SLC23A2: variants seen among roughly 807,000 people sequenced by gnomAD.
The protein encoded by SLC23A2 is Na(+)/L-ascorbic acid transporter 2.
A neutral mutation model predicts 73.3 loss-of-function variants in SLC23A2; 36 were observed. The ratio of observed to expected loss-of-function variants is 0.49; its 90% CI spans 0.38 to 0.65. SLC23A2 has a LOEUF of 0.65. Among genes scored for constraint, SLC23A2 ranks in the 30% least tolerant of loss-of-function variants. The pLI is 0.00. For synonymous variants in SLC23A2, 343 were observed against 327.3 expected (o/e 1.05, Z -0.52); for missense variants, 507 against 841.6 (o/e 0.60, Z 4.92).
chr20:4,900,721 T>C (rs1007509989), intron 5 of SLC23A2, among the ~76,000 whole-genome samples: 1 of 152,152 alleles, frequency 6.6e-6, no homozygotes. Flanking sequence ...AAGAACCCCA[T>C]CCCACTTTCC....
intron 2 of SLC23A2, among the ~76,000 whole-genome samples, chr20:4,943,556 TC>T: frequency 6.6e-6 from 1 of 150,872 alleles, no homozygotes; most frequent in East Asian, 1.9e-4. Context: ...CCGCCTGTAG[TC>T]CCAGTTATTT....
rs140374915 is a variant in SLC23A2, at chr20:4,987,316, T to C, written c.-282+14090A>G. On this transcript the variant is annotated intron_variant, in intron 1 of 16. Coordinates refer to ENST00000338244, the MANE Select transcript of SLC23A2 (RefSeq NM_005116.6). Reference sequence around the variant, plus strand: ...TTTCAAACACTGCAGGTCAGGATCTTTGACACAGAAGATGCGAGCAGCTGC... The same window carrying C: ...TTTCAAACACTGCAGGTCAGGATCTCTGACACAGAAGATGCGAGCAGCTGC... 0.012 allele frequency among the ~76,000 whole-genome samples: 1,875 copies of C among 152,296 alleles called. 54 individuals carry two copies. In the South Asian group the frequency reaches 0.14, roughly 11 times the overall value.
intron 9 of SLC23A2, among the ~76,000 whole-genome samples, chr20:4,882,267 C>T (rs144932624): frequency 0.037 from 5,654 of 151,950 alleles, 355 homozygotes; most frequent in African/African-American, 0.13. Flanking sequence ...CCCAGCTACT[C>T]GGGAGGCTGA....
intron 1 of SLC23A2, among the ~76,000 whole-genome samples, chr20:4,983,646 TAAAAAAAA>T (rs35983102): frequency 2.3e-5 from 2 of 86,192 alleles, no homozygotes; most frequent in Non-Finnish European, 4.7e-5. Flanking sequence ...ACTCCGTCTT[TAAAAAAAA>T]AAAAAAAAAA....
At position 4,919,560 on chromosome 20, in the gene SLC23A2, G is replaced by C. The variant is rs532129171; in HGVS notation, c.109-6582C>G. 8.5e-5 allele frequency among the ~76,000 whole-genome samples: 13 copies of C among 152,310 alleles called. No individual in the cohort carries two copies. In the South Asian group the frequency reaches 2.7e-3, roughly 32 times the overall value. On this transcript the variant is annotated intron_variant, in intron 3 of 16. Coordinates refer to ENST00000338244, the MANE Select transcript of SLC23A2 (RefSeq NM_005116.6). ...TCCACACTGAAACACTCTGCAGTGT[G>C]TGCTCCTCCCACACCCCAGGCAGGT...
intron 2 of SLC23A2, among the ~76,000 whole-genome samples, chr20:4,964,907 AAAAG>A (rs1168059383): frequency 1.3e-5 from 2 of 152,050 alleles, no homozygotes; most frequent in African/African-American, 4.8e-5. Context: ...AAGAAAAAAA[AAAAG>A]AAAGGAAAAT....
chr20:4,990,049 G>C (rs1391301617), intron 1 of SLC23A2, among the ~76,000 whole-genome samples: 1 of 151,988 alleles, frequency 6.6e-6, no homozygotes, highest in Non-Finnish European at 1.5e-5. Context: ...AAAATTACAC[G>C]GCAAACTTAA....
chr20:4,999,688 C>T (rs1425414202), intron 1 of SLC23A2, among the ~76,000 whole-genome samples: 1 of 152,028 alleles, frequency 6.6e-6, no homozygotes, highest in East Asian at 1.9e-4. Context: ...CCACAACACC[C>T]GGCCCAGGTA....
intron 13 of SLC23A2, among the ~76,000 whole-genome samples, chr20:4,866,316 T>A (rs888335519): frequency 2.0e-5 from 3 of 152,206 alleles, no homozygotes; most frequent in Admixed American, 6.5e-5. Context: ...TATTTTTGAA[T>A]TGAAGTTGGT....
chr20:4,979,558 A>C (rs1282302376), intron 1 of SLC23A2, among the ~76,000 whole-genome samples: 1 of 152,116 alleles, frequency 6.6e-6, no homozygotes, highest in Non-Finnish European at 1.5e-5. Context: ...AAATGTCTAA[A>C]TATATGAAAA....
rs779643129 is a variant in SLC23A2, at chr20:4,853,307, G to C, written c.*3665C>G. 2 of 152,650 alleles carry C rather than the reference G, an allele frequency of 1.3e-5. No individual in the cohort carries two copies. The highest frequency in any genetic ancestry group is 2.9e-5 in the Non-Finnish European group (2 of 68,108). The allele number at this position is 152,650 out of a possible 1,614,324, so 9.5% of individuals were successfully genotyped here. A position where few individuals can be genotyped will look rare whatever the true frequency, so the allele number is the denominator to read the frequency against. ...ATGCTGCTGCTTCTCTGGCCAGATGGGTTCTGGAATGAGGCTTCTGCTACT... is the reference window on the plus strand; with the variant it reads ...ATGCTGCTGCTTCTCTGGCCAGATGCGTTCTGGAATGAGGCTTCTGCTACT... On this transcript the variant is annotated 3_prime_UTR_variant, in exon 17 of 17. Transcript: ENST00000338244.
intron 5 of SLC23A2, among the ~76,000 whole-genome samples, chr20:4,901,327 C>A (rs1189937977): frequency 6.6e-6 from 1 of 152,088 alleles, no homozygotes; most frequent in Non-Finnish European, 1.5e-5. Flanking sequence ...CCTCTCTGGA[C>A]AATGAGATGG....
At chr20:4,965,135 C>A (rs1034672535) in intron 2 of SLC23A2, among the ~76,000 whole-genome samples, 1 of 151,944 alleles carries the variant, frequency 6.6e-6, no homozygotes, top group Non-Finnish European at 1.5e-5. Context: ...GAAAAAACAC[C>A]CTATTGATAT....
intron 3 of SLC23A2, among the ~76,000 whole-genome samples, chr20:4,914,119 A>G (rs927072836): frequency 2.0e-5 from 3 of 151,626 alleles, no homozygotes; most frequent in African/African-American, 7.3e-5. Flanking sequence ...ATTGTGAAAT[A>G]CACTAAAAGC....
At position 4,862,140 on chromosome 20, in the gene SLC23A2, T is replaced by C; in HGVS notation, c.1487-55A>G. 1 of 1,591,252 alleles carries C rather than the reference T, an allele frequency of 6.3e-7. No individual in the cohort carries two copies. Among genetic ancestry groups the C allele is most frequent in the Non-Finnish European group, 8.6e-7 (1 of 1,164,784 alleles). On this transcript the variant is annotated intron_variant, in intron 14 of 16. Coordinates refer to ENST00000338244, the MANE Select transcript of SLC23A2 (RefSeq NM_005116.6). The surrounding 1 kb of genome is among the most constrained non-coding windows in gnomAD (Gnocchi z 5.1). ...CCAGCACCACTACAGCGGGGACAGC[T>C]CAAGGCAGGTGAGGGCAGGCTCCCT...
At chr20:4,972,596 G>A (rs1174283739) in intron 1 of SLC23A2, among the ~76,000 whole-genome samples, 1 of 151,034 alleles carries the variant, frequency 6.6e-6, no homozygotes, top group Non-Finnish European at 1.5e-5. Flanking sequence ...TGTTGTTGTT[G>A]TTTTAAATGA....
intron 2 of SLC23A2, among the ~76,000 whole-genome samples, chr20:4,936,664 G>C (rs886693641): frequency 6.6e-6 from 1 of 152,170 alleles, no homozygotes; most frequent in Non-Finnish European, 1.5e-5. Context: ...TTCCAGACAT[G>C]AACATCCACT....
At position 4,990,379 on chromosome 20, in the gene SLC23A2, G is replaced by GT. The variant is rs530165970; in HGVS notation, c.-282+11026dup. Among the ~76,000 whole-genome samples the GT allele has an allele frequency of 2.3e-3, 346 of 147,514 alleles. 3 individuals carry two copies. The highest frequency in any genetic ancestry group is 1.1e-3 in the Non-Finnish European group (73 of 67,760). On this transcript the variant is annotated intron_variant, in intron 1 of 16. Coordinates refer to ENST00000338244, the MANE Select transcript of SLC23A2 (RefSeq NM_005116.6). ...AGCTTATTTTTTATTTTATTTTATG[G>GT]TTTTTTTTGAGACAGAGTCTCACTC... is the stretch of plus-strand genomic sequence containing the variant.
intron 1 of SLC23A2, among the ~76,000 whole-genome samples, chr20:4,980,697 A>G (rs910852698): frequency 6.6e-6 from 1 of 151,772 alleles, no homozygotes; most frequent in Non-Finnish European, 1.5e-5. Flanking sequence ...CACCCGGCTA[A>G]TTTTTTGTTT....
Sources: allele counts gnomAD v4.1 joint callset (sites outside exome capture counted in the v4.1 genomes callset), GRCh38; gene constraint gnomAD v4.1.1; non-coding constraint Gnocchi (gnomAD v3.1); transcripts MANE v1.5; gene names NCBI Gene and HGNC (gene_info 2026-07-23, HGNC 2026-07-21).